Variants in TFEC observed in about 807,000 individuals in gnomAD.
TFEC encodes the protein class E basic helix-loop-helix protein 34.
In TFEC, 31 loss-of-function variants were observed where a neutral mutation model predicts 41.6. The ratio of observed to expected loss-of-function variants is 0.74; its 90% CI spans 0.56 to 1.01. TFEC has a LOEUF of 1.01. TFEC is among the 50% of genes least tolerant of loss of function. The pLI, the probability that TFEC is intolerant of heterozygous loss-of-function variation, is 0.00. For synonymous variants in TFEC, 143 were observed against 140.6 expected (o/e 1.02, Z -0.12); for missense variants, 402 against 404.1 (o/e 0.99, Z 0.04).
intron 1 of TFEC, among the ~76,000 whole-genome samples, chr7:115,993,981 C>G (rs552593181): frequency 5.9e-5 from 9 of 152,294 alleles, no homozygotes; most frequent in African/African-American, 2.2e-4. Context: ...GTAACCAAAA[C>G]AGCATGGTAC....
At chr7:115,973,007 A>T (rs1011220188) in intron 3 of TFEC, among the ~76,000 whole-genome samples, 7 of 152,086 alleles carry the variant, frequency 4.6e-5, no homozygotes, top group African/African-American at 1.4e-4. Flanking sequence ...AAATGTATCT[A>T]GAGAATTAGT....
intron 3 of TFEC, among the ~76,000 whole-genome samples, chr7:116,099,030 T>C (rs545607248): frequency 6.6e-6 from 1 of 152,282 alleles, no homozygotes; most frequent in African/African-American, 2.4e-5. Context: ...TCTTACATGA[T>C]ACCAAAAGCA....
intron 3 of TFEC, among the ~76,000 whole-genome samples, chr7:116,073,451 T>C (rs1173013550): frequency 6.6e-6 from 1 of 151,752 alleles, no homozygotes; most frequent in Non-Finnish European, 1.5e-5. Flanking sequence ...GGAGTATTTT[T>C]CTTTTTTTTT....
chr7:116,088,589 G>T (rs902169552), intron 3 of TFEC, among the ~76,000 whole-genome samples: 17 of 151,840 alleles, frequency 1.1e-4, no homozygotes, highest in African/African-American at 3.9e-4. Flanking sequence ...AGATAAGAAG[G>T]TTTTTTAAAT....
In TFEC at chr7:116,143,330, C is replaced by CTA. The variant is rs1164269337; in HGVS notation, c.-69+16458_-69+16459dup. Among the ~76,000 whole-genome samples the CTA allele has an allele frequency of 4.6e-5, 7 of 152,276 alleles. 1 individual carries two copies. Among genetic ancestry groups the CTA allele is most frequent in the Admixed American group, 3.9e-4 (6 of 15,298 alleles). On this transcript the variant is annotated intron_variant, in intron 1 of 8. Transcript: ENST00000484212. ...ATAAACTCCTATCTTATCTGCACCT[C>CTA]TATACTATGAGATCTTTTTGATACA...
At chr7:116,043,934 C>A (rs1344912156) in intron 3 of TFEC, among the ~76,000 whole-genome samples, 1 of 152,094 alleles carries the variant, frequency 6.6e-6, no homozygotes, top group Admixed American at 6.5e-5. Flanking sequence ...CTTCTGGGTG[C>A]CAATTTGGGG....
At chr7:116,097,172 C>T (rs972488771) in intron 3 of TFEC, among the ~76,000 whole-genome samples, 9 of 151,748 alleles carry the variant, frequency 5.9e-5, no homozygotes, top group South Asian at 4.2e-4. Flanking sequence ...CTATACTTTA[C>T]GCAAAGTGGT....
chr7:116,020,759 C>T (rs144080951), intron 1 of TFEC, among the ~76,000 whole-genome samples: 248 of 151,794 alleles, frequency 1.6e-3, no homozygotes, highest in African/African-American at 5.4e-3. Context: ...TCTATCTAAT[C>T]GTACCATTGG....
At chr7:115,965,809 A>T (rs1032526622) in intron 3 of TFEC, among the ~76,000 whole-genome samples, 28 of 151,698 alleles carry the variant, frequency 1.8e-4, no homozygotes, top group Non-Finnish European at 8.9e-5. Context: ...ATACAGGACA[A>T]CATAAATAAC....
chr7:116,031,059 C>A (rs1392208406), upstream of TFEC, among the ~76,000 whole-genome samples: 2 of 152,044 alleles, frequency 1.3e-5, no homozygotes, highest in African/African-American at 4.8e-5. Context: ...TGGTTGTTAT[C>A]ATAATGGACT....
intron 1 of TFEC, among the ~76,000 whole-genome samples, chr7:116,023,639 C>A (rs778504671): frequency 1.3e-5 from 2 of 152,146 alleles, no homozygotes; most frequent in East Asian, 3.8e-4. Flanking sequence ...AAGAGACTTG[C>A]CCTAGGTCAG....
intron 3 of TFEC, among the ~76,000 whole-genome samples, chr7:116,061,079 TAGAAATCCAAGCA>T (rs1796545558): frequency 6.6e-6 from 1 of 152,092 alleles, no homozygotes; most frequent in African/African-American, 2.4e-5. Flanking sequence ...AGCATCTCAA[TAGAAATCCAAGCA>T]AGATTTTGTA....
chr7:116,118,180 T>C lies in TFEC; in HGVS notation c.-68-6142A>G, dbSNP rs750019583. On this transcript the variant is annotated intron_variant, in intron 1 of 8. Coordinates refer to the TFEC transcript ENST00000484212. ...TGACTGCCTTGACTTGGGACAAGAA[T>C]AGACATTTCACTCAACCTGTCTCTG... 2.6e-5 allele frequency among the ~76,000 whole-genome samples: 4 copies of C among 151,838 alleles called. No homozygotes were observed. The East Asian group carries it at 7.7e-4, about 29-fold the overall frequency.
At chr7:116,034,651 A>G (rs1795866934), upstream of TFEC, among the ~76,000 whole-genome samples, 1 of 149,976 alleles carries the variant, frequency 6.7e-6, no homozygotes, top group South Asian at 2.1e-4. Context: ...CCCTCCTTCT[A>G]TCTGTTACAC....
chr7:116,133,557 G>A (rs1008945485), intron 1 of TFEC, among the ~76,000 whole-genome samples: 9 of 151,840 alleles, frequency 5.9e-5, no homozygotes, highest in Non-Finnish European at 1.2e-4. Context: ...AAAAAAGTAG[G>A]GGGATGGGGA....
chr7:116,146,700 A>G (rs1188926843), intron 1 of TFEC, among the ~76,000 whole-genome samples: 1 of 152,208 alleles, frequency 6.6e-6, no homozygotes, highest in African/African-American at 2.4e-5. Flanking sequence ...TCACAGTGAA[A>G]AAGTCCACCA....
chr7:115,940,673 G>C lies in TFEC; in HGVS notation c.922C>G (p.Leu308Val). The C allele has an allele frequency of 1.2e-6, 2 of 1,613,556 alleles. No individual in the cohort carries two copies. The highest frequency in any genetic ancestry group is 1.7e-5 in the Admixed American group (1 of 59,952). ...AATGGAGAGATTGTGTCATCCAATA[G>C]CATGCCATCCAATCTTTGTTCCTCT... is the stretch of plus-strand genomic sequence containing the variant. ...LKEEQRLDGMLLDDTISPFGT... is the reference protein window; with the variant it reads ...LKEEQRLDGMVLDDTISPFGT... Residue 308 changes from leucine (L) to valine (V), a missense_variant, in exon 8 of 8, where the codon CTA (leucine) becomes GTA (valine). By Grantham distance (32) the Leu-to-Val change is conservative. Coordinates refer to ENST00000265440, the MANE Select transcript of TFEC (RefSeq NM_012252.4).
At chr7:115,960,291 G>A (rs572386608) in intron 3 of TFEC, among the ~76,000 whole-genome samples, 2 of 151,674 alleles carry the variant, frequency 1.3e-5, no homozygotes, top group East Asian at 3.9e-4. Flanking sequence ...TTTATATCCA[G>A]CTCAAATGTC....
intron 3 of TFEC, among the ~76,000 whole-genome samples, chr7:116,071,103 T>C (rs1372823759): frequency 6.6e-6 from 1 of 151,354 alleles, no homozygotes; most frequent in Non-Finnish European, 1.5e-5. Context: ...GGTTATTGTA[T>C]AAGAAAACGA....
Sources: allele counts gnomAD v4.1 joint callset (sites outside exome capture counted in the v4.1 genomes callset), GRCh38; gene constraint gnomAD v4.1.1; transcripts MANE v1.5; gene names NCBI Gene and HGNC (gene_info 2026-07-23, HGNC 2026-07-21).